The following ASIC2 variants were observed in gnomAD, a reference collection of about 807,000 sequenced individuals.
ASIC2 encodes the protein acid-sensing ion channel 2.
In ASIC2, 25 loss-of-function variants were observed where a neutral mutation model predicts 57.3. The ratio of observed to expected loss-of-function variants is 0.44; its 90% CI spans 0.32 to 0.61. The LOEUF (loss-of-function observed/expected upper bound fraction) is 0.61. Among genes scored for constraint, ASIC2 ranks in the 20% least tolerant of loss-of-function variants. The probability of loss-of-function intolerance (pLI) is 0.06; values close to 1 mark genes in which losing one functional copy is unlikely to be tolerated. For synonymous variants in ASIC2, 319 were observed against 307.5 expected, an observed-to-expected ratio of 1.04 and a Z score of -0.39; for missense variants, 641 against 738.1, an observed-to-expected ratio of 0.87 and a Z score of 1.52.
At chr17:34,113,626 T>A (rs897032266) in intron 1 of ASIC2, among the ~76,000 whole-genome samples, 13 of 149,658 alleles carry the variant, frequency 8.7e-5, no homozygotes, top group African/African-American at 3.0e-4. Context: ...GCCTATAATC[T>A]CAACACTTTA....
chr17:33,165,138 C>T (rs570248791), intron 1 of ASIC2, among the ~76,000 whole-genome samples: 12 of 152,288 alleles, frequency 7.9e-5, no homozygotes, highest in Admixed American at 2.0e-4. Flanking sequence ...CTATTCTGGA[C>T]CCCGAGTTTC....
intron 1 of ASIC2, among the ~76,000 whole-genome samples, chr17:34,099,131 AGAGAGAGAGAGAGACAGAGAGAGAGAG>A (rs1567820719): frequency 4.9e-3 from 118 of 24,120 alleles, no homozygotes; most frequent in African/African-American, 0.013. Context: ...AGAGAGAGAG[AGAGAGAGAGAGAGACAGAGAGAGAGAG>A]AGAGAGAAAG....
chr17:33,934,263 C>A (rs1163977712), intron 1 of ASIC2, among the ~76,000 whole-genome samples: 1 of 152,230 alleles, frequency 6.6e-6, no homozygotes, highest in African/African-American at 2.4e-5. Flanking sequence ...AGGCCACAGC[C>A]TTCTCCTTGC....
intron 1 of ASIC2, among the ~76,000 whole-genome samples, chr17:33,421,921 A>G (rs1911058612): frequency 6.6e-6 from 1 of 152,128 alleles, no homozygotes; most frequent in Non-Finnish European, 1.5e-5. Flanking sequence ...AACACTAACC[A>G]AGCACACGTT....
rs565111041 is a variant in ASIC2 at position 33,820,060 on chromosome 17, G to A, written c.555+335918C>T. ...CGAGACAATGATAGAGGCCCCAGCT[G>A]CCCAATATGGCAACTACTGTCCACA... On this transcript the variant is annotated intron_variant, in intron 1 of 9. Transcript: ENST00000359872. 7.9e-5 allele frequency among the ~76,000 whole-genome samples: 12 copies of A among 152,270 alleles called. No individual in the cohort carries two copies. In the South Asian group the frequency reaches 2.5e-3, roughly 32 times the overall value.
chr17:33,597,635 A>G (rs1379912001), intron 1 of ASIC2, among the ~76,000 whole-genome samples: 8 of 152,218 alleles, frequency 5.3e-5, no homozygotes, highest in Admixed American at 5.2e-4. Flanking sequence ...TGCTGTAATT[A>G]CAATAATCCT....
chr17:33,345,399 CAAAT>C (rs796212526), intron 1 of ASIC2, among the ~76,000 whole-genome samples: 36 of 152,256 alleles, frequency 2.4e-4, no homozygotes, highest in African/African-American at 8.2e-4. Flanking sequence ...GGTCAATAAA[CAAAT>C]AAGTAAGAAA....
chr17:33,222,348 C>T (rs1036138362), intron 1 of ASIC2, among the ~76,000 whole-genome samples: 4 of 152,076 alleles, frequency 2.6e-5, no homozygotes, highest in African/African-American at 9.7e-5. Context: ...TTGTATGATT[C>T]TTATAGGAAA....
intron 1 of ASIC2, among the ~76,000 whole-genome samples, chr17:33,447,627 A>G (rs1912075572): frequency 6.6e-6 from 1 of 152,182 alleles, no homozygotes; most frequent in African/African-American, 2.4e-5. Flanking sequence ...GTGATTAGCT[A>G]GTTCTCTTTT....
Position 33,543,142 on chromosome 17 carries a change from G to C in ASIC2, c.556-431075C>G, listed in dbSNP as rs1356171151. ...CACACTCTGGGGACTGTGGTGGGGT[G>C]GGGGGAGGGGGGAGGGATAGCATTG... On this transcript the variant is annotated intron_variant, in intron 1 of 9. Coordinates refer to the ASIC2 transcript ENST00000359872. Among the ~76,000 whole-genome samples the C allele has an allele frequency of 1.5e-3, 190 of 123,640 alleles. 1 individual carries two copies. The highest frequency in any genetic ancestry group is 5.8e-3 in the African/African-American group (178 of 30,716). 81.1% of individuals were successfully genotyped at this position (123,640 alleles called of 152,430 possible). A position where few individuals can be genotyped will look rare whatever the true frequency, so the allele number is the denominator to read the frequency against.
At chr17:33,446,696 A>T (rs1912033028) in intron 1 of ASIC2, among the ~76,000 whole-genome samples, 1 of 152,176 alleles carries the variant, frequency 6.6e-6, no homozygotes, top group South Asian at 2.1e-4. Flanking sequence ...GGTAGGAACC[A>T]TGTCTTTTCA....
intron 1 of ASIC2, among the ~76,000 whole-genome samples, chr17:33,716,325 T>C (rs1321085211): frequency 6.6e-6 from 1 of 152,234 alleles, no homozygotes; most frequent in Non-Finnish European, 1.5e-5. Context: ...CAGTGGCTTA[T>C]GATGTCCTCC....
chr17:33,021,162 T>TTGC, intron 7 of ASIC2, 57 bp downstream of exon 7: 4 of 694,008 alleles, frequency 5.8e-6, no homozygotes, highest in East Asian at 5.7e-5. Flanking sequence ...CTGTGCATCC[T>TTGC]CCCTCCCTCC....
At chr17:33,584,727 G>T (rs1243813641) in intron 1 of ASIC2, among the ~76,000 whole-genome samples, 2 of 152,142 alleles carry the variant, frequency 1.3e-5, no homozygotes, top group Non-Finnish European at 2.9e-5. Flanking sequence ...GGGACAGGAG[G>T]TACTGGTGAT....
intron 1 of ASIC2, among the ~76,000 whole-genome samples, chr17:33,941,911 A>G (rs1039503635): frequency 2.6e-5 from 4 of 152,104 alleles, no homozygotes; most frequent in African/African-American, 9.7e-5. Context: ...TGCTGTTACT[A>G]CCACCCCGGG....
chr17:33,993,625 G>A (rs1567781223), intron 1 of ASIC2, among the ~76,000 whole-genome samples: 1 of 152,186 alleles, frequency 6.6e-6, no homozygotes, highest in Non-Finnish European at 1.5e-5. Flanking sequence ...AAGCCACTTA[G>A]CTTCTCTGAG....
At chr17:33,056,681 G>A (rs1184871569) in intron 3 of ASIC2, among the ~76,000 whole-genome samples, 1 of 152,180 alleles carries the variant, frequency 6.6e-6, no homozygotes, top group Non-Finnish European at 1.5e-5. Flanking sequence ...TCCCATCTGG[G>A]ATTGCTCTTA....
chr17:33,230,797 A>T (rs998188700), intron 1 of ASIC2, among the ~76,000 whole-genome samples: 4 of 152,160 alleles, frequency 2.6e-5, no homozygotes, highest in African/African-American at 9.7e-5. Context: ...CCTTCCAAGG[A>T]GGCAGGCCCA....
intron 1 of ASIC2, among the ~76,000 whole-genome samples, chr17:33,855,800 G>A (rs1913912343): frequency 6.6e-6 from 1 of 152,148 alleles, no homozygotes; most frequent in Non-Finnish European, 1.5e-5. Context: ...CACATCTCTT[G>A]GACATAACTC....
Sources: allele counts gnomAD v4.1 joint callset (sites outside exome capture counted in the v4.1 genomes callset), GRCh38; gene constraint gnomAD v4.1.1; transcripts MANE v1.5; gene names NCBI Gene and HGNC (gene_info 2026-07-23, HGNC 2026-07-21).